HECW2: variants seen among roughly 807,000 people sequenced by gnomAD.
HECW2 encodes the protein E3 ubiquitin-protein ligase HECW2.
In HECW2, 61 loss-of-function variants were observed where a neutral mutation model predicts 175.2. The ratio of observed to expected loss-of-function variants is 0.35; its 90% CI spans 0.28 to 0.43. HECW2 has a LOEUF of 0.43. Ranked by LOEUF, HECW2 falls within the 20% of genes least tolerant of loss-of-function variation. The pLI is 1.00. For missense variants in HECW2, 1,524 were observed against 2,000.5 expected, an observed-to-expected ratio of 0.76 and a Z score of 4.54; for synonymous variants, 671 against 731.0, an observed-to-expected ratio of 0.92 and a Z score of 1.32.
At chr2:196,377,041 A>T (rs1049003533) in intron 2 of HECW2, among the ~76,000 whole-genome samples, 5 of 152,208 alleles carry the variant, frequency 3.3e-5, no homozygotes, top group African/African-American at 9.7e-5. Context: ...TTATTGTTTG[A>T]TCATACTCAA....
intron 1 of HECW2, among the ~76,000 whole-genome samples, chr2:196,518,192 T>C (rs1263120319): frequency 6.6e-6 from 1 of 152,134 alleles, no homozygotes; most frequent in Non-Finnish European, 1.5e-5. Flanking sequence ...AGGTCTCTTG[T>C]AATCCAAAAA....
intron 3 of HECW2, 76 bp downstream of exon 3, chr2:196,343,581 C>G: frequency 1.1e-6 from 1 of 912,900 alleles, no homozygotes; most frequent in Non-Finnish European, 1.7e-6. Flanking sequence ...AAATAACATT[C>G]AAAAAGACTC....
chr2:196,358,883 T>C (rs1224899871), intron 2 of HECW2, among the ~76,000 whole-genome samples: 2 of 152,202 alleles, frequency 1.3e-5, no homozygotes, highest in African/African-American at 2.4e-5. Context: ...ACTAAGAGCA[T>C]AGCACAGTAT....
Position 196,220,046 on chromosome 2 carries a change from A to G in HECW2, c.4401T>C (p.Tyr1467=), listed in dbSNP as rs765511221. The G allele has an allele frequency of 6.9e-6, 11 of 1,591,160 alleles. No individual in the cohort carries two copies. Among genetic ancestry groups the G allele is most frequent in the Non-Finnish European group, 9.5e-6 (11 of 1,159,560 alleles). The change falls in exon 26 of 29, where the codon TAT becomes TAC. Residue 1467 remains tyrosine, a synonymous_variant. Transcript: ENST00000644978. ...CTATAAATCAAATTTCACCTCCTCT[A>G]TATTCTGTGTTGTTTCTCCAATCAC... ...DLSDWRNNTE[Y]RGGYHDNHIV... is the part of the protein sequence containing the mutation.
In HECW2 at chr2:196,319,650, C is replaced by G. The variant is rs764436402; in HGVS notation, c.1240G>C (p.Asp414His). ...GCATCTAAGTAATCATTGAGTGAAT[C>G]CTGACGTCCTCTGGGAGGTGAGGTC... ...SRTSPPRGRQ[D>H]SLNDYLDAIE... Residue 414 changes from aspartate (D) to histidine (H), a missense_variant, in exon 9 of 29, where the codon GAT (aspartate) becomes CAT (histidine). Physicochemically the swap from Asp to His is moderately conservative, Grantham distance 81 (BLOSUM62 -1). Around this residue, in one of 11 missense-constraint regions of HECW2, gnomAD observed 604 missense variants for 588.3 expected, o/e 1.03. Transcript: ENST00000644978. The G allele has an allele frequency of 8.7e-5, 141 of 1,614,102 alleles. No homozygotes were observed. The highest frequency in any genetic ancestry group is 1.6e-4 in the Middle Eastern group (1 of 6,084).
In HECW2 at chr2:196,254,041, C is replaced by A. The variant is rs748062196; in HGVS notation, c.3420-12G>T. 2 of 1,612,820 alleles carry A rather than the reference C, an allele frequency of 1.2e-6. No homozygotes were observed. Among genetic ancestry groups the A allele is most frequent in the East Asian group, 2.2e-5 (1 of 44,842 alleles). ...CTTCTTCAAATAAGCTGGGGAAAGA[C>A]AAGAAACAAAACGGGCACTTCAGCC... On this transcript the variant is annotated splice_polypyrimidine_tract_variant and intron_variant, in intron 18 of 28. Coordinates refer to ENST00000644978, the MANE Select transcript of HECW2 (RefSeq NM_001348768.2).
In HECW2 at chr2:196,301,723, TTG is replaced by T. The variant is rs747820407; in HGVS notation, c.2814+4763_2814+4764del. Among the ~76,000 whole-genome samples, 922 of 129,570 alleles carry T rather than the reference TTG, an allele frequency of 7.1e-3. 5 individuals are homozygous for T. Among genetic ancestry groups the T allele is most frequent in the African/African-American group, 0.015 (450 of 31,006 alleles). The allele number at this position is 129,570 out of a possible 152,430, so 85.0% of individuals were successfully genotyped here. A position where few individuals can be genotyped will look rare whatever the true frequency, so the allele number is the denominator to read the frequency against. On this transcript the variant is annotated intron_variant, in intron 13 of 28. Coordinates refer to ENST00000644978, the MANE Select transcript of HECW2 (RefSeq NM_001348768.2). ...ATCCTCTGCCCACTTTTTAATGGGA[TTG>T]TTTTTTTTTTTTTTTTCTTGTAGAT... is the stretch of plus-strand genomic sequence containing the variant.
At chr2:196,400,326 AGG>A (rs1409442541) in intron 2 of HECW2, among the ~76,000 whole-genome samples, 1 of 152,192 alleles carries the variant, frequency 6.6e-6, no homozygotes, top group Non-Finnish European at 1.5e-5. Flanking sequence ...GGACAGACAG[AGG>A]AAGGATTTTC....
chr2:196,229,646 T>C (rs1687978794), intron 21 of HECW2, among the ~76,000 whole-genome samples: 1 of 152,150 alleles, frequency 6.6e-6, no homozygotes, highest in Non-Finnish European at 1.5e-5. Flanking sequence ...GCCACTGCAC[T>C]CCAGCCCAGG....
intron 1 of HECW2, among the ~76,000 whole-genome samples, chr2:196,527,045 G>A (rs1240583747): frequency 1.3e-5 from 2 of 152,218 alleles, no homozygotes; most frequent in Non-Finnish European, 2.9e-5. Context: ...ACCTAAGCAA[G>A]CCTGGGCAAT....
intron 1 of HECW2, among the ~76,000 whole-genome samples, chr2:196,464,319 G>A (rs948649631): frequency 2.0e-5 from 3 of 152,138 alleles, no homozygotes; most frequent in Non-Finnish European, 4.4e-5. Context: ...ATTTCAGGTA[G>A]AACTAGGGTT....
intron 1 of HECW2, among the ~76,000 whole-genome samples, chr2:196,473,333 T>C (rs1051626405): frequency 4.0e-4 from 61 of 152,238 alleles, no homozygotes; most frequent in African/African-American, 1.4e-3. Context: ...TCATCTGTTA[T>C]AGAAAATACA....
chr2:196,541,740 T>G (rs902265976), intron 1 of HECW2, among the ~76,000 whole-genome samples: 12 of 152,066 alleles, frequency 7.9e-5, no homozygotes, highest in African/African-American at 1.5e-4. Context: ...GGTTTTTTTT[T>G]TTGTTGCTTT....
At chr2:196,454,039 C>T (rs1696427745) in intron 1 of HECW2, among the ~76,000 whole-genome samples, 1 of 152,102 alleles carries the variant, frequency 6.6e-6, no homozygotes, top group African/African-American at 2.4e-5. Flanking sequence ...GAGACAGAGA[C>T]TCACTCTGTT....
chr2:196,212,084 G>A (rs186590873), intron 28 of HECW2, among the ~76,000 whole-genome samples: 15 of 152,108 alleles, frequency 9.9e-5, no homozygotes, highest in African/African-American at 2.7e-4. Context: ...CAATCCGTCC[G>A]CCTTGGCCTC....
chr2:196,214,156 G>C (rs1458153463), intron 28 of HECW2, among the ~76,000 whole-genome samples: 1 of 152,158 alleles, frequency 6.6e-6, no homozygotes, highest in Admixed American at 6.5e-5. Flanking sequence ...AAATCCACCA[G>C]ATAGATGAGG....
chr2:196,529,320 A>G (rs527256194), intron 1 of HECW2, among the ~76,000 whole-genome samples: 1 of 152,278 alleles, frequency 6.6e-6, no homozygotes, highest in East Asian at 1.9e-4. Flanking sequence ...AAGTGACTCA[A>G]TTTTGTTTGG....
intron 17 of HECW2, chr2:196,263,407 G>A (rs768928276): frequency 1.3e-5 from 2 of 152,184 alleles, no homozygotes; most frequent in South Asian, 2.1e-4. Context: ...GCATGTGTTC[G>A]GAGACAACCA....
At chr2:196,577,444 A>C (rs968120719) in intron 1 of HECW2, among the ~76,000 whole-genome samples, 12 of 152,210 alleles carry the variant, frequency 7.9e-5, no homozygotes, top group Admixed American at 2.6e-4. Flanking sequence ...AAAAGGATCT[A>C]TTAGACCTGA....
Sources: gnomAD v4.1 joint callset for allele counts (sites outside exome capture counted in the v4.1 genomes callset) on GRCh38, gnomAD v4.1.1 for gene constraint, gnomAD v4.1.1 regional missense constraint, MANE v1.5 for transcripts, NCBI Gene and HGNC (gene_info 2026-07-23, HGNC 2026-07-21) for gene names.